Variants in SYT16 observed in about 807,000 individuals in gnomAD.
The protein encoded by SYT16 is synaptotagmin-16.
In SYT16, 42 loss-of-function variants were observed where a neutral mutation model predicts 61.4. That is an observed-to-expected ratio of 0.68 (90% CI 0.53 to 0.89). The LOEUF is 0.89. Among genes scored for constraint, SYT16 ranks in the 40% least tolerant of loss-of-function variants. SYT16 has a pLI of 0.00. For synonymous variants in SYT16, 314 were observed against 302.3 expected, an observed-to-expected ratio of 1.04 and a Z score of -0.40; for missense variants, 804 against 807.3, an observed-to-expected ratio of 1.00 and a Z score of 0.05.
intron 2 of SYT16, among the ~76,000 whole-genome samples, chr14:61,973,404 A>G (rs1023563710): frequency 6.6e-6 from 1 of 152,162 alleles, no homozygotes; most frequent in African/African-American, 2.4e-5. Flanking sequence ...AGCATTTTAC[A>G]TGCATTGTTA....
At chr14:61,821,728 G>A (rs908863179) in intron 1 of SYT16, among the ~76,000 whole-genome samples, 2 of 152,208 alleles carry the variant, frequency 1.3e-5, no homozygotes, top group African/African-American at 2.4e-5. Flanking sequence ...TTGGCTAGTA[G>A]CAAGTCATAG....
chr14:61,920,142 T>C (rs1478052955), intron 1 of SYT16, among the ~76,000 whole-genome samples: 1 of 152,206 alleles, frequency 6.6e-6, no homozygotes, highest in Non-Finnish European at 1.5e-5. Context: ...CTGGTTACCA[T>C]GCACCTGTTT....
At chr14:61,909,562 T>A (rs1329041084) in intron 1 of SYT16, among the ~76,000 whole-genome samples, 1 of 152,206 alleles carries the variant, frequency 6.6e-6, no homozygotes, top group African/African-American at 2.4e-5. Flanking sequence ...AGGATACTTG[T>A]CACTGGATTT....
At chr14:61,952,058 G>A (rs1197943709) in intron 1 of SYT16, among the ~76,000 whole-genome samples, 2 of 151,972 alleles carry the variant, frequency 1.3e-5, no homozygotes, top group Admixed American at 6.6e-5. Flanking sequence ...AAAGTGTTGG[G>A]ATTATAGGCA....
chr14:61,911,246 A>G (rs2048922576), intron 1 of SYT16, among the ~76,000 whole-genome samples: 1 of 152,230 alleles, frequency 6.6e-6, no homozygotes, highest in South Asian at 2.1e-4. Flanking sequence ...GCCATAGACT[A>G]GAACCTACCT....
chr14:61,938,424 G>A (rs1249255951), intron 1 of SYT16, among the ~76,000 whole-genome samples: 2 of 152,030 alleles, frequency 1.3e-5, no homozygotes, highest in African/African-American at 4.8e-5. Flanking sequence ...CACCTTCAGG[G>A]TTGGCTGGGT....
chr14:62,047,380 A>C (rs553465581), intron 3 of SYT16, among the ~76,000 whole-genome samples: 10,522 of 151,974 alleles, frequency 0.069, 437 homozygotes, highest in East Asian at 0.12. Context: ...TTGGGCTGAG[A>C]CAATGGGGTT....
In SYT16 at chr14:62,100,376, C is replaced by CTTTTTTTTTTTTTTT; in HGVS notation, c.1625-8_1625-7insTTTTTTTTTTTTTTT. The CTTTTTTTTTTTTTTT allele has an allele frequency of 2.3e-6, 3 of 1,286,626 alleles. No homozygotes were observed. Among genetic ancestry groups the CTTTTTTTTTTTTTTT allele is most frequent in the South Asian group, 3.1e-5 (2 of 64,960 alleles). The allele number at this position is 1,286,626 out of a possible 1,614,324, so 79.7% of individuals were successfully genotyped here. On this transcript the variant is annotated splice_polypyrimidine_tract_variant and intron_variant, in intron 7 of 7. Coordinates refer to ENST00000683842, the MANE Select transcript of SYT16 (RefSeq NM_001367656.1). The stretch of plus-strand genomic sequence containing the variant: ...TGTTTCTTATCATCCCCACCCCACC[C>CTTTTTTTTTTTTTTT]TTTTTTTTTTGTCTTAGATACATAT...
At chr14:61,929,515 G>A (rs543183158) in intron 1 of SYT16, among the ~76,000 whole-genome samples, 5 of 152,270 alleles carry the variant, frequency 3.3e-5, no homozygotes, top group East Asian at 1.9e-4. Context: ...AATGTTTCAG[G>A]GAAGAATACT....
chr14:61,986,205 T>C (rs1054570934), intron 2 of SYT16, among the ~76,000 whole-genome samples: 2 of 152,044 alleles, frequency 1.3e-5, no homozygotes, highest in African/African-American at 2.4e-5. Flanking sequence ...CTGATTATTA[T>C]TGTTATTTAT....
chr14:61,944,428 C>T (rs950300565), intron 1 of SYT16, among the ~76,000 whole-genome samples: 2 of 152,164 alleles, frequency 1.3e-5, no homozygotes, highest in Non-Finnish European at 2.9e-5. Context: ...ATAGCCAAGA[C>T]AATCCTGAGC....
At chr14:61,984,984 A>G (rs1475529941) in intron 2 of SYT16, among the ~76,000 whole-genome samples, 1 of 152,116 alleles carries the variant, frequency 6.6e-6, no homozygotes, top group African/African-American at 2.4e-5. Context: ...TGTACCACTC[A>G]TGTAACCTAC....
intron 3 of SYT16, among the ~76,000 whole-genome samples, chr14:62,037,111 A>T (rs1006359806): frequency 2.0e-5 from 3 of 152,096 alleles, no homozygotes; most frequent in East Asian, 3.9e-4. Flanking sequence ...TTTCTTAGAC[A>T]CTTTTGCCTC....
chr14:61,856,607 G>A (rs766369052), intron 1 of SYT16, among the ~76,000 whole-genome samples: 18 of 152,100 alleles, frequency 1.2e-4, no homozygotes, highest in Non-Finnish European at 2.4e-4. Flanking sequence ...GAGGGTTGGG[G>A]ATGAGTGGAG....
chr14:61,913,634 C>G (rs774932376), intron 1 of SYT16, among the ~76,000 whole-genome samples: 1 of 151,300 alleles, frequency 6.6e-6, no homozygotes, highest in African/African-American at 2.4e-5. Context: ...GGACACTGGA[C>G]TGTATTTACA....
rs867549296 is a variant in SYT16 at position 61,990,173 on chromosome 14, C to G, written c.-144-5703C>G. On this transcript the variant is annotated intron_variant, in intron 2 of 7. Transcript: ENST00000683842. The stretch of plus-strand genomic sequence containing the variant: ...TATTTTATAGTTCTTATTTTGACTC[C>G]ATGCATTATTCATCTTCCTAAGCTT... 2.0e-5 allele frequency among the ~76,000 whole-genome samples: 3 copies of G among 152,228 alleles called. No homozygotes were observed. The South Asian group carries it at 6.2e-4, about 32-fold the overall frequency.
chr14:62,111,285 T>A lies in SYT16; in HGVS notation c.*10578T>A, dbSNP rs2057604091. 6.6e-6 allele frequency: 1 copy of A among 152,066 alleles called. No homozygotes were observed. Among genetic ancestry groups the A allele is most frequent in the African/African-American group, 2.4e-5 (1 of 41,444 alleles). 9.4% of individuals were successfully genotyped at this position (152,066 alleles called of 1,614,324 possible). A position where few individuals can be genotyped will look rare whatever the true frequency, so the allele number is the denominator to read the frequency against. On this transcript the variant is annotated 3_prime_UTR_variant, in exon 8 of 8. Coordinates refer to ENST00000683842, the MANE Select transcript of SYT16 (RefSeq NM_001367656.1). ...ATGTAAATGTGAATGATTCATTCAT[T>A]TTGAACATATGTAACTATTTTAGGA...
chr14:61,947,629 C>T (rs1157322787), intron 1 of SYT16, among the ~76,000 whole-genome samples: 1 of 152,076 alleles, frequency 6.6e-6, no homozygotes, highest in African/African-American at 2.4e-5. Flanking sequence ...GGAGGTTATA[C>T]TTTTTTGTTC....
At chr14:62,048,674 G>A (rs973177091) in intron 3 of SYT16, among the ~76,000 whole-genome samples, 10 of 152,122 alleles carry the variant, frequency 6.6e-5, no homozygotes, top group African/African-American at 2.2e-4. Flanking sequence ...CTGGTATGTC[G>A]TGTCTTTGTT....
Sources: allele counts gnomAD v4.1 joint callset (sites outside exome capture counted in the v4.1 genomes callset), GRCh38; gene constraint gnomAD v4.1.1; transcripts MANE v1.5; gene names NCBI Gene and HGNC (gene_info 2026-07-23, HGNC 2026-07-21).